Variants in SORCS3 observed in about 807,000 individuals in gnomAD.
SORCS3 encodes the protein sortilin related VPS10 domain containing receptor 3.
A neutral mutation model predicts 146.3 loss-of-function variants in SORCS3; 57 were observed. The observed-to-expected ratio is 0.39, with a 90% CI of 0.31 to 0.49. The LOEUF (loss-of-function observed/expected upper bound fraction) is 0.49, where lower values mean the gene tolerates loss of function less well. Among genes scored for constraint, SORCS3 ranks in the 20% least tolerant of loss-of-function variants. The pLI, the probability that SORCS3 is intolerant of heterozygous loss-of-function variation, is 0.92. For missense variants in SORCS3, 1,341 were observed against 1,575.5 expected, an observed-to-expected ratio of 0.85 and a Z score of 2.52; for synonymous variants, 653 against 618.5, an observed-to-expected ratio of 1.06 and a Z score of -0.83.
intron 7 of SORCS3, among the ~76,000 whole-genome samples, chr10:105,137,370 T>C (rs7090479): frequency 0.025 from 3,755 of 152,176 alleles, 155 homozygotes; most frequent in African/African-American, 0.085. Context: ...AAGGACTCCT[T>C]TGGGGGTGAT....
At chr10:105,135,782 G>A (rs2056054906) in intron 7 of SORCS3, among the ~76,000 whole-genome samples, 1 of 152,212 alleles carries the variant, frequency 6.6e-6, no homozygotes, top group South Asian at 2.1e-4. Flanking sequence ...TTTATAGCAA[G>A]GATGACCTTT....
At chr10:104,682,539 C>T (rs2015991559) in intron 1 of SORCS3, among the ~76,000 whole-genome samples, 1 of 152,192 alleles carries the variant, frequency 6.6e-6, no homozygotes, top group African/African-American at 2.4e-5. Flanking sequence ...TCAGCTCTAA[C>T]ATTCTAATTC....
chr10:104,699,253 C>T (rs2016252770), intron 1 of SORCS3, among the ~76,000 whole-genome samples: 1 of 152,160 alleles, frequency 6.6e-6, no homozygotes. Context: ...GCTATGTCAT[C>T]ACCATCATCA....
chr10:105,099,802 T>C (rs1268280180), intron 6 of SORCS3, among the ~76,000 whole-genome samples: 1 of 152,176 alleles, frequency 6.6e-6, no homozygotes, highest in Non-Finnish European at 1.5e-5. Flanking sequence ...TTTCTCCATC[T>C]CTTCTCCCAC....
At chr10:105,157,395 C>G (rs990365080) in intron 10 of SORCS3, 111 bp downstream of exon 10, 22 of 1,304,098 alleles carry the variant, frequency 1.7e-5, no homozygotes, top group Non-Finnish European at 2.2e-5. Context: ...TGGTGCAGAG[C>G]AGTAATTTTC....
chr10:104,730,361 T>C (rs185506212), intron 1 of SORCS3, among the ~76,000 whole-genome samples: 24 of 152,352 alleles, frequency 1.6e-4, no homozygotes, highest in Admixed American at 2.6e-4. Flanking sequence ...CCTCCCCGTC[T>C]GTACTACTGT....
chr10:104,723,919 C>G (rs1389767394), intron 1 of SORCS3, among the ~76,000 whole-genome samples: 1 of 152,160 alleles, frequency 6.6e-6, no homozygotes, highest in Non-Finnish European at 1.5e-5. Context: ...TGGGTCTTGA[C>G]TCTTTATCCA....
intron 7 of SORCS3, among the ~76,000 whole-genome samples, chr10:105,122,229 A>G (rs1564760186): frequency 6.6e-6 from 1 of 152,172 alleles, no homozygotes; most frequent in Non-Finnish European, 1.5e-5. Context: ...TATCTCTATG[A>G]TTTCAGAGTT....
intron 1 of SORCS3, among the ~76,000 whole-genome samples, chr10:104,699,270 A>G (rs936397389): frequency 6.6e-5 from 10 of 152,198 alleles, no homozygotes; most frequent in Admixed American, 6.5e-4. Flanking sequence ...ATCATTATCC[A>G]CATGTGACAT....
intron 1 of SORCS3, among the ~76,000 whole-genome samples, chr10:104,831,000 T>A (rs749533414): frequency 1.8e-4 from 28 of 152,090 alleles, no homozygotes; most frequent in East Asian, 1.9e-4. Context: ...TATTATTATT[T>A]TTTTTGGTAG....
In SORCS3 at chr10:105,165,698, G is replaced by A. The variant is rs1410017528; in HGVS notation, c.1809+1319G>A. The stretch of plus-strand genomic sequence containing the variant: ...GAGAGCCAAAGGAGGGTGGAAGCTG[G>A]AATACAAACTCATCTGGTAAAAAAA... On this transcript the variant is annotated intron_variant, in intron 12 of 26. Coordinates refer to ENST00000369701, the MANE Select transcript of SORCS3 (RefSeq NM_014978.3). Among the ~76,000 whole-genome samples, 4 of 152,178 alleles carry A rather than the reference G, an allele frequency of 2.6e-5. No homozygotes were observed. The East Asian group carries it at 7.7e-4, about 29-fold the overall frequency.
rs546786976 is a variant in SORCS3, at chr10:105,206,357, AG to A, written c.2262-4776del. Reference sequence around the variant, plus strand: ...ATGTTATTCCTTCATTGCACTAGTTAGGGGCTACCATATTAGCTTAATATAA... The same window carrying A: ...ATGTTATTCCTTCATTGCACTAGTTAGGGCTACCATATTAGCTTAATATAA... On this transcript the variant is annotated intron_variant, in intron 16 of 26. Coordinates refer to ENST00000369701, the MANE Select transcript of SORCS3 (RefSeq NM_014978.3). Among the ~76,000 whole-genome samples the A allele has an allele frequency of 3.9e-5, 6 of 152,304 alleles. No homozygotes were observed. The South Asian group carries it at 1.2e-3, about 32-fold the overall frequency.
intron 1 of SORCS3, among the ~76,000 whole-genome samples, chr10:104,776,890 A>C (rs78218930): frequency 6.6e-6 from 1 of 151,056 alleles, no homozygotes; most frequent in Non-Finnish European, 1.5e-5. Flanking sequence ...AAAAAAAAAA[A>C]CCTCACAAAG....
rs1448976588 is a variant in SORCS3, at chr10:105,200,021, C to T, written c.2032C>T (p.Arg678Cys). The T allele has an allele frequency of 3.1e-6, 5 of 1,613,430 alleles. No individual in the cohort carries two copies. The highest frequency in any genetic ancestry group is 1.1e-5 in the South Asian group (1 of 91,068). ...IMTVFGHFSL[R>C]SEWQLVKVDY... The stretch of plus-strand genomic sequence containing the variant: ...TAGAGTTTTTGGCCACTTCAGCCTC[C>T]GCTCCGAATGGCAATTGGTGAAAGT... Residue 678 changes from arginine to cysteine, a missense_variant, in exon 15 of 27, where the codon CGC becomes TGC. Coordinates refer to ENST00000369701, the MANE Select transcript of SORCS3 (RefSeq NM_014978.3).
At chr10:104,669,881 A>C (rs1030736983) in intron 1 of SORCS3, among the ~76,000 whole-genome samples, 1 of 149,522 alleles carries the variant, frequency 6.7e-6, no homozygotes, top group Non-Finnish European at 1.5e-5. Flanking sequence ...CCACGTCCTC[A>C]CCAACACTTT....
chr10:104,967,657 G>A (rs895261120), intron 3 of SORCS3, among the ~76,000 whole-genome samples: 1 of 152,118 alleles, frequency 6.6e-6, no homozygotes, highest in Middle Eastern at 3.4e-3. Context: ...GACTTCAGTT[G>A]TGCTCTTATC....
At chr10:104,944,710 G>A (rs1273429105) in intron 3 of SORCS3, among the ~76,000 whole-genome samples, 1 of 152,158 alleles carries the variant, frequency 6.6e-6, no homozygotes, top group African/African-American at 2.4e-5. Flanking sequence ...TCAAGTGTTG[G>A]CAAGAAGGTG....
chr10:105,253,457 A>G (rs1379840731), intron 23 of SORCS3, among the ~76,000 whole-genome samples: 2 of 152,212 alleles, frequency 1.3e-5, no homozygotes, highest in Non-Finnish European at 2.9e-5. Context: ...TACTGTTCTT[A>G]TCAAATGGGC....
intron 1 of SORCS3, among the ~76,000 whole-genome samples, chr10:104,832,018 T>G (rs2018005997): frequency 6.6e-6 from 1 of 152,372 alleles, no homozygotes; most frequent in South Asian, 2.1e-4. Flanking sequence ...GCATAGTTGA[T>G]AGGCCATGTC....
Sources: gnomAD v4.1 joint callset for allele counts (sites outside exome capture counted in the v4.1 genomes callset) on GRCh38, gnomAD v4.1.1 for gene constraint, MANE v1.5 for transcripts, NCBI Gene and HGNC (gene_info 2026-07-23, HGNC 2026-07-21) for gene names.